FSD2: variants seen among roughly 807,000 people sequenced by gnomAD.
FSD2 encodes fibronectin type III and SPRY domain-containing protein 2.
FSD2 carries 71 observed loss-of-function variants against 80.4 expected under a neutral mutation model. That is an observed-to-expected ratio of 0.88 (90% confidence interval 0.73 to 1.08). FSD2 has a LOEUF of 1.08. FSD2 is among the 50% of genes least tolerant of loss of function. The pLI is 0.00. For synonymous variants in FSD2, 361 were observed against 329.5 expected, an observed-to-expected ratio of 1.10 and a Z score of -1.03; for missense variants, 923 against 913.8, an observed-to-expected ratio of 1.01 and a Z score of -0.13.
chr15:82,802,271 G>A (rs761811891), intron 1 of FSD2, among the ~76,000 whole-genome samples: 6 of 152,096 alleles, frequency 3.9e-5, no homozygotes, highest in African/African-American at 7.2e-5. Context: ...CAGACCCAAG[G>A]GATTGCTAGC....
In FSD2 at chr15:82,772,143, G is replaced by A. The variant is rs61736243; in HGVS notation, c.1197C>T (p.Asp399=). The change falls in exon 7 of 13, where the codon GAC becomes GAT. Residue 399 remains aspartate (D), a synonymous_variant. Transcript: ENST00000334574. The stretch of plus-strand genomic sequence containing the variant: ...ACAGCTGATAGCTCTCCACAGTGTC[G>A]TCGGAGTATAAGCTCCAGCACACTC... ...SVRVCWSLYS[D]DTVESYQLSY... 4.8e-5 allele frequency: 77 copies of A among 1,610,938 alleles called. 2 individuals are homozygous for A. In the African/African-American group the frequency reaches 7.1e-4, roughly 15 times the overall value.
chr15:82,766,100 T>C, intron 9 of FSD2, 69 bp from the exon 10 acceptor site: 5 of 1,473,314 alleles, frequency 3.4e-6, no homozygotes, highest in Non-Finnish European at 4.5e-6. Flanking sequence ...CAGGCATCCC[T>C]TTCAAAGCTG....
intron 1 of FSD2, among the ~76,000 whole-genome samples, chr15:82,798,746 C>T (rs2050337159): frequency 6.6e-6 from 1 of 152,196 alleles, no homozygotes; most frequent in African/African-American, 2.4e-5. Context: ...TCGGCTTCCC[C>T]TATCAGCTCT....
rs957855329 is a variant in FSD2, at chr15:82,792,031, T to C, written c.-78-4563A>G. ...TTTCATTTGGGTTGTTTCTACCTTT[T>C]GGCTATTTTAAATAAGGCTGCTAAA... is the stretch of plus-strand genomic sequence containing the variant. On this transcript the variant is annotated intron_variant, in intron 1 of 12. Coordinates refer to ENST00000334574, the MANE Select transcript of FSD2 (RefSeq NM_001007122.4). 1.6e-4 allele frequency among the ~76,000 whole-genome samples: 24 copies of C among 152,382 alleles called. No individual in the cohort carries two copies. In the East Asian group the frequency reaches 4.6e-3, roughly 29 times the overall value.
chr15:82,765,959 C>T lies in FSD2; in HGVS notation c.1626G>A (p.Val542=), dbSNP rs112592244. The change falls in exon 10 of 13, where the codon GTG becomes GTA. Residue 542 remains valine (V), a synonymous_variant. Coordinates refer to ENST00000334574, the MANE Select transcript of FSD2 (RefSeq NM_001007122.4). Reference sequence around the variant, plus strand: ...TGGGGCCCCCCATATTGAGGGCTCGCACATAGATAATGTAGCTCCGCCCCG... The same window carrying T: ...TGGGGCCCCCCATATTGAGGGCTCGTACATAGATAATGTAGCTCCGCCCCG... The part of the protein sequence containing the change: ...LQPGRSYIIY[V]RALNMGGPSV... The T allele has an allele frequency of 4.1e-4, 666 of 1,606,118 alleles. 1 individual carries two copies. The African/African-American group carries it at 7.9e-3, about 19-fold the overall frequency.
Position 82,787,341 on chromosome 15 carries a change from T to C in FSD2, c.50A>G (p.Lys17Arg). 6.2e-7 allele frequency: 1 copy of C among 1,613,900 alleles called. No individual in the cohort carries two copies. The highest frequency in any genetic ancestry group is 2.2e-5 in the East Asian group (1 of 44,874). The change falls in exon 2 of 13, where the codon AAG becomes AGG. Residue 17 changes from lysine to arginine, a missense_variant. Lys to Arg is a conservative substitution (Grantham distance 26, BLOSUM62 2). Transcript: ENST00000334574. ...GTCCATGTGGTAAAAGTGGAAATCC[T>C]TGGGAGTAGACCTGTCCAGCCCCAG... is the stretch of plus-strand genomic sequence containing the variant. ...EELGLDRSTP[K>R]DFHFYHMDLY...
At chr15:82,781,887 G>A (rs1240938277) in intron 4 of FSD2, among the ~76,000 whole-genome samples, 48 of 150,234 alleles carry the variant, frequency 3.2e-4, no homozygotes, top group African/African-American at 9.8e-4. Context: ...GTGAAACCCC[G>A]TCTCTACTAA....
intron 11 of FSD2, among the ~76,000 whole-genome samples, chr15:82,763,124 A>G (rs2049328893): frequency 6.6e-6 from 1 of 152,216 alleles, no homozygotes; most frequent in South Asian, 2.1e-4. Flanking sequence ...TCTCTGCTTC[A>G]AGCTCCAGAC....
At position 82,772,309 on chromosome 15, in the gene FSD2, TC is replaced by T. The variant is rs992700133; in HGVS notation, c.1112-82del. On this transcript the variant is annotated intron_variant, in intron 6 of 12. Coordinates refer to ENST00000334574, the MANE Select transcript of FSD2 (RefSeq NM_001007122.4). ...GTGGCCCCTTTCCCATGACCATTGA[TC>T]CCCCCAATGAATCCACAGCCTTTGG... 3.1e-5 allele frequency: 43 copies of T among 1,383,352 alleles called. No homozygotes were observed. The Middle Eastern group carries it at 5.4e-4, about 17-fold the overall frequency. The allele number at this position is 1,383,352 out of a possible 1,614,324, so 85.7% of individuals were successfully genotyped here. A position where few individuals can be genotyped will look rare whatever the true frequency, so the allele number is the denominator to read the frequency against.
chr15:82,779,934 G>C (rs2049813167), intron 5 of FSD2, among the ~76,000 whole-genome samples: 1 of 152,036 alleles, frequency 6.6e-6, no homozygotes, highest in South Asian at 2.1e-4. Flanking sequence ...AGGCATAGTG[G>C]GGGGATGTTG....
chr15:82,798,744 C>T (rs923315080), intron 1 of FSD2, among the ~76,000 whole-genome samples: 1 of 152,162 alleles, frequency 6.6e-6, no homozygotes, highest in Non-Finnish European at 1.5e-5. Flanking sequence ...CGTCGGCTTC[C>T]CCTATCAGCT....
intron 1 of FSD2, among the ~76,000 whole-genome samples, chr15:82,791,108 C>T (rs868036497): frequency 2.0e-5 from 3 of 151,464 alleles, no homozygotes; most frequent in South Asian, 2.1e-4. Flanking sequence ...ACGCCATTCT[C>T]CTGCCTCAGC....
chr15:82,759,109 C>T lies in FSD2; in HGVS notation c.*239G>A. ...TCAAAGACTTTTGAGTTCGTTTAGT[C>T]TGAGCCTTTATTTTACAGCTGGGCC... is the stretch of plus-strand genomic sequence containing the variant. On this transcript the variant is annotated 3_prime_UTR_variant, in exon 13 of 13. Transcript: ENST00000334574. The T allele has an allele frequency of 4.0e-6, 2 of 500,354 alleles. No individual in the cohort carries two copies. The highest frequency in any genetic ancestry group is 3.6e-6 in the Non-Finnish European group (1 of 281,186). 31.0% of individuals were successfully genotyped at this position (500,354 alleles called of 1,614,324 possible).
At chr15:82,794,054 T>C (rs2050206532) in intron 1 of FSD2, among the ~76,000 whole-genome samples, 1 of 152,062 alleles carries the variant, frequency 6.6e-6, no homozygotes, top group Non-Finnish European at 1.5e-5. Flanking sequence ...TAGTTTGCTC[T>C]TCTTTTTCCA....
At chr15:82,784,226 A>G (rs905249078) in intron 3 of FSD2, among the ~76,000 whole-genome samples, 2 of 139,544 alleles carry the variant, frequency 1.4e-5, no homozygotes, top group African/African-American at 5.2e-5. Context: ...AGCATGTAAG[A>G]AGTTTTTTAT....
intron 5 of FSD2, among the ~76,000 whole-genome samples, chr15:82,779,920 G>T (rs2049812561): frequency 6.6e-6 from 1 of 152,064 alleles, no homozygotes; most frequent in East Asian, 1.9e-4. Context: ...GACAGTCTGG[G>T]TCCAGGCATA....
chr15:82,765,451 T>C (rs987000876), intron 10 of FSD2, among the ~76,000 whole-genome samples, 153 bp from the exon 11 acceptor site: 1 of 152,110 alleles, frequency 6.6e-6, no homozygotes, highest in Admixed American at 6.5e-5. Context: ...CAATTGACAC[T>C]CATCGGGCAG....
In FSD2 at chr15:82,782,827, TCTC is replaced by T; in HGVS notation, c.931_933del (p.Glu311del). 1 of 1,613,448 alleles carries T rather than the reference TCTC, an allele frequency of 6.2e-7. No individual in the cohort carries two copies. The highest frequency in any genetic ancestry group is 8.5e-7 in the Non-Finnish European group (1 of 1,179,728). On this transcript the variant is annotated inframe_deletion, in exon 4 of 13. Transcript: ENST00000334574. The stretch of plus-strand genomic sequence containing the variant: ...AAATCCACCTTCTCCTCGTGACACA[TCTC>T]CTCTATTGTTTCCATCAGTTCTTTG...
chr15:82,783,359 A>G (rs1489805069), intron 3 of FSD2, among the ~76,000 whole-genome samples: 1 of 152,164 alleles, frequency 6.6e-6, no homozygotes, highest in Admixed American at 6.5e-5. Flanking sequence ...TCAGCCTCCC[A>G]AAGTGTTGGG....
Sources: allele counts gnomAD v4.1 joint callset (sites outside exome capture counted in the v4.1 genomes callset), GRCh38; gene constraint gnomAD v4.1.1; transcripts MANE v1.5; gene names NCBI Gene and HGNC (gene_info 2026-07-23, HGNC 2026-07-21).